Variants in CDH23 observed in about 807,000 individuals in gnomAD.
CDH23 encodes the protein cadherin related 23, also known as cadherin-23.
In CDH23, 189 loss-of-function variants were observed where a neutral mutation model predicts 317.1. The observed-to-expected ratio is 0.60, with a 90% CI of 0.53 to 0.67. CDH23 has a LOEUF of 0.67. CDH23 is among the 30% of genes least tolerant of loss of function. The pLI is 0.00. For missense variants in CDH23, 4,401 were observed against 4,592.4 expected, an observed-to-expected ratio of 0.96 and a Z score of 1.20; for synonymous variants, 1,839 against 1,876.8, an observed-to-expected ratio of 0.98 and a Z score of 0.52.
At chr10:71,532,737 T>TTTTTTTTTTTTG (rs1855471098) in intron 6 of CDH23, among the ~76,000 whole-genome samples, 1 of 86,220 alleles carries the variant, frequency 1.2e-5, no homozygotes, top group African/African-American at 4.5e-5. Context: ...GTTTTTTTTT[T>TTTTTTTTTTTTG]TTTTTTTTTT....
chr10:71,510,344 G>A, intron 4 of CDH23, 120 bp downstream of exon 4: 3 of 1,123,660 alleles, frequency 2.7e-6, no homozygotes, highest in Non-Finnish European at 3.8e-6. Flanking sequence ...ACTCCACAGT[G>A]GCATCTTCCT....
intron 11 of CDH23, among the ~76,000 whole-genome samples, chr10:71,620,543 G>A (rs1861414013): frequency 6.6e-6 from 1 of 152,132 alleles, no homozygotes; most frequent in African/African-American, 2.4e-5. Context: ...GGAGTATCTG[G>A]GTCCAACCCG....
At chr10:71,574,148 G>T (rs1858004637) in intron 8 of CDH23, among the ~76,000 whole-genome samples, 1 of 151,812 alleles carries the variant, frequency 6.6e-6, no homozygotes, top group Admixed American at 6.6e-5. Context: ...CTGCCCCGGG[G>T]CCCCCACCGG....
intron 11 of CDH23, among the ~76,000 whole-genome samples, chr10:71,633,355 C>T (rs1862107698): frequency 6.6e-6 from 1 of 152,172 alleles, no homozygotes. Context: ...GCAACTCATT[C>T]ATTCATGCCT....
intron 55 of CDH23, 30 bp downstream of exon 55, chr10:71,803,450 C>G (rs1415502236): frequency 6.5e-7 from 1 of 1,539,644 alleles, no homozygotes; most frequent in Non-Finnish European, 8.8e-7. Context: ...CTCCTGCCCA[C>G]CAGTATTTCC....
intron 14 of CDH23, among the ~76,000 whole-genome samples, chr10:71,672,157 G>T (rs867266136): frequency 6.6e-6 from 1 of 152,122 alleles, no homozygotes; most frequent in African/African-American, 2.4e-5. Context: ...GGGTCAGGGA[G>T]GGCAGAAGGG....
At chr10:71,521,402 T>C (rs986226152) in intron 6 of CDH23, among the ~76,000 whole-genome samples, 6 of 152,182 alleles carry the variant, frequency 3.9e-5, no homozygotes, top group Admixed American at 3.3e-4. Flanking sequence ...AGCCCACACT[T>C]CCCACCATTG....
intron 38 of CDH23, among the ~76,000 whole-genome samples, chr10:71,744,015 A>G (rs1839796825): frequency 6.6e-6 from 1 of 152,220 alleles, no homozygotes; most frequent in African/African-American, 2.4e-5. Context: ...GGAAAGCAAC[A>G]GGTTTCCCAG....
intron 3 of CDH23, among the ~76,000 whole-genome samples, chr10:71,478,994 GAGGA>G (rs1025988545): frequency 1.3e-5 from 2 of 152,204 alleles, no homozygotes; most frequent in African/African-American, 4.8e-5. Flanking sequence ...TGGGTTGAGA[GAGGA>G]AGGGAGTGGC....
In CDH23 at chr10:71,812,891, G is replaced by A. The variant is rs769930300; in HGVS notation, c.9633+1G>A. Reference sequence around the variant, plus strand: ...GATCATTCGTGAGGGGCCAATCAAGGTGAGCCTTCCCTGCAGGCTCCGCGC... The same window carrying A: ...GATCATTCGTGAGGGGCCAATCAAGATGAGCCTTCCCTGCAGGCTCCGCGC... On this transcript the variant is annotated splice_donor_variant, in intron 68 of 69. Transcript: ENST00000224721. LOFTEE classifies it high-confidence loss of function. 1.9e-6 allele frequency: 3 copies of A among 1,613,372 alleles called. No homozygotes were observed. The highest frequency in any genetic ancestry group is 2.2e-5 in the South Asian group (2 of 90,890).
chr10:71,450,419 C>T (rs1850379094), intron 3 of CDH23, among the ~76,000 whole-genome samples: 1 of 152,110 alleles, frequency 6.6e-6, no homozygotes, highest in South Asian at 2.1e-4. Flanking sequence ...GCACACGCCA[C>T]CACTCCCAGC....
chr10:71,506,262 G>A (rs114778288), intron 3 of CDH23, among the ~76,000 whole-genome samples: 2,501 of 152,260 alleles, frequency 0.016, 56 homozygotes, highest in African/African-American at 0.053. Context: ...TGGTTCATGG[G>A]CATGGAGTTT....
At position 71,425,219 on chromosome 10, in the gene CDH23, CAGAGAGAGAGAGGGAGAGAGAGAGAG is replaced by C. The variant is rs1224242176; in HGVS notation, c.-5-14595_-5-14570del. On this transcript the variant is annotated intron_variant, in intron 1 of 69. Coordinates refer to ENST00000224721, the MANE Select transcript of CDH23 (RefSeq NM_022124.6). ...CGGCTTGGCTAAAATCACAGTGGGG[CAGAGAGAGAGAGGGAGAGAGAGAGAG>C]AGAGAGAGAGAGAGAGAGAGAGAGG... Among the ~76,000 whole-genome samples, 8 of 55,162 alleles carry C rather than the reference CAGAGAGAGAGAGGGAGAGAGAGAGAG, an allele frequency of 1.5e-4. 1 individual carries two copies. Among genetic ancestry groups the C allele is most frequent in the Non-Finnish European group, 2.7e-4 (7 of 25,842 alleles). The allele number at this position is 55,162 out of a possible 152,430, so 36.2% of individuals were successfully genotyped here.
intron 3 of CDH23, among the ~76,000 whole-genome samples, chr10:71,458,819 G>A (rs1466469935): frequency 2.0e-5 from 3 of 152,170 alleles, no homozygotes; most frequent in South Asian, 2.1e-4. Flanking sequence ...ATGGAGTCTC[G>A]CTCTGTTTCC....
In CDH23 at chr10:71,465,528, G is replaced by A. The variant is rs115297453; in HGVS notation, c.145+19133G>A. Among the ~76,000 whole-genome samples, 1,364 of 152,374 alleles carry A rather than the reference G, an allele frequency of 9.0e-3. 26 individuals carry two copies. Among genetic ancestry groups the A allele is most frequent in the Middle Eastern group, 0.024 (7 of 294 alleles). On this transcript the variant is annotated intron_variant, in intron 3 of 69. Transcript: ENST00000224721. The stretch of plus-strand genomic sequence containing the variant: ...GGGCCCTGAGCCATCGAGTGCCACC[G>A]AGTGGTCTGGATCTCTGGCTAGGCC...
At chr10:71,637,897 C>T (rs957539154) in intron 11 of CDH23, among the ~76,000 whole-genome samples, 4 of 151,392 alleles carry the variant, frequency 2.6e-5, no homozygotes, top group Non-Finnish European at 4.4e-5. Flanking sequence ...CTGAGGCCAC[C>T]CTGCCTTCAC....
In CDH23 at chr10:71,762,092, G is replaced by A. The variant is rs532350680; in HGVS notation, c.4846-15588G>A. 23 of 1,492,894 alleles carry A rather than the reference G, an allele frequency of 1.5e-5. No homozygotes were observed. In the East Asian group the frequency reaches 2.6e-4, roughly 17 times the overall value. 92.5% of individuals were successfully genotyped at this position (1,492,894 alleles called of 1,614,324 possible). A position where few individuals can be genotyped will look rare whatever the true frequency, so the allele number is the denominator to read the frequency against. On this transcript the variant is annotated intron_variant, in intron 38 of 69. Transcript: ENST00000224721. ...GTGCTACTCCTGGCAACCCCAGAGCGGGGAAGAACCTTAGCCTCTGCTACT... is the reference window on the plus strand; with the variant it reads ...GTGCTACTCCTGGCAACCCCAGAGCAGGGAAGAACCTTAGCCTCTGCTACT...
At chr10:71,770,907 G>C (rs987318930) in intron 38 of CDH23, among the ~76,000 whole-genome samples, 1 of 152,148 alleles carries the variant, frequency 6.6e-6, no homozygotes, top group Admixed American at 6.5e-5. Context: ...TCATGCCAGG[G>C]ACTGGCCTCA....
chr10:71,521,133 C>A (rs1480344550), intron 6 of CDH23, among the ~76,000 whole-genome samples: 1 of 151,978 alleles, frequency 6.6e-6, no homozygotes, highest in Non-Finnish European at 1.5e-5. Flanking sequence ...ATAATGCCAC[C>A]GAGAGATGTC....
Sources: gnomAD v4.1 joint callset for allele counts (sites outside exome capture counted in the v4.1 genomes callset) on GRCh38, gnomAD v4.1.1 for gene constraint, MANE v1.5 for transcripts, NCBI Gene and HGNC (gene_info 2026-07-23, HGNC 2026-07-21) for gene names.